The following DCC variants were observed in gnomAD, a reference collection of about 807,000 sequenced individuals.
DCC encodes DCC netrin 1 receptor, also known as netrin receptor DCC.
DCC carries 58 observed loss-of-function variants against 172.5 expected under a neutral mutation model. The observed-to-expected ratio is 0.34, with a 90% CI of 0.27 to 0.42. The LOEUF is 0.42. Ranked by LOEUF, DCC falls within the 10% of genes least tolerant of loss-of-function variation. DCC has a pLI of 1.00. For missense variants in DCC, 1,740 were observed against 1,791.0 expected, an observed-to-expected ratio of 0.97 and a Z score of 0.51; for synonymous variants, 709 against 644.5, an observed-to-expected ratio of 1.10 and a Z score of -1.52.
intron 5 of DCC, among the ~76,000 whole-genome samples, chr18:53,049,498 A>T (rs550037275): frequency 5.1e-4 from 77 of 152,014 alleles, no homozygotes; most frequent in Non-Finnish European, 1.0e-3. Flanking sequence ...GGTGGTAAGT[A>T]TGCAGCATTA....
chr18:53,382,972 T>C (rs951524338), intron 15 of DCC, among the ~76,000 whole-genome samples: 6 of 152,270 alleles, frequency 3.9e-5, no homozygotes, highest in African/African-American at 1.4e-4. Context: ...TTTAAGGCTT[T>C]TTTATTTTGA....
At chr18:53,502,174 A>G (rs944634371) in intron 27 of DCC, among the ~76,000 whole-genome samples, 1 of 152,054 alleles carries the variant, frequency 6.6e-6, no homozygotes, top group African/African-American at 2.4e-5. Context: ...CTATTTTCAG[A>G]TATCTCTGGC....
chr18:52,825,414 A>G (rs906208471), intron 2 of DCC, among the ~76,000 whole-genome samples: 1 of 152,150 alleles, frequency 6.6e-6, no homozygotes, highest in Non-Finnish European at 1.5e-5. Context: ...TTCCTCTTAA[A>G]TTTCTATTTT....
intron 2 of DCC, among the ~76,000 whole-genome samples, chr18:52,898,695 A>C (rs1598909872): frequency 1.7e-5 from 2 of 115,010 alleles, no homozygotes; most frequent in Non-Finnish European, 3.9e-5. Flanking sequence ...GTGATTTTTT[A>C]CCTCATTTTT....
chr18:53,273,848 C>G (rs1277561926), intron 12 of DCC, among the ~76,000 whole-genome samples: 1 of 152,000 alleles, frequency 6.6e-6, no homozygotes, highest in African/African-American at 2.4e-5. Flanking sequence ...GCGCATCACA[C>G]ATGTGACCCT....
At chr18:52,757,524 G>A (rs1044282423) in intron 2 of DCC, among the ~76,000 whole-genome samples, 3 of 151,996 alleles carry the variant, frequency 2.0e-5, no homozygotes, top group Admixed American at 2.0e-4. Context: ...CTTGTCCACT[G>A]ACTTGCCCTG....
At chr18:52,854,164 A>G (rs1039721546) in intron 2 of DCC, among the ~76,000 whole-genome samples, 2 of 152,232 alleles carry the variant, frequency 1.3e-5, no homozygotes, top group African/African-American at 4.8e-5. Flanking sequence ...GACCACTGGA[A>G]AGCACAGTTA....
chr18:52,607,878 A>G (rs192710014), intron 1 of DCC, among the ~76,000 whole-genome samples: 1 of 152,290 alleles, frequency 6.6e-6, no homozygotes, highest in African/African-American at 2.4e-5. Context: ...TCTGAGAGAG[A>G]TAACACTTGA....
chr18:52,427,883 C>CCTTCCTTCCTTCCTTCCTTA (rs1568165795), intron 1 of DCC, among the ~76,000 whole-genome samples: 16 of 140,088 alleles, frequency 1.1e-4, no homozygotes, highest in African/African-American at 4.3e-4. Flanking sequence ...TTCCTTCCTT[C>CCTTCCTTCCTTCCTTCCTTA]CTTCCTTCCT....
At chr18:52,385,056 G>A (rs372734419) in intron 1 of DCC, among the ~76,000 whole-genome samples, 7 of 152,164 alleles carry the variant, frequency 4.6e-5, no homozygotes, top group African/African-American at 1.7e-4. Context: ...TTTTATAGAA[G>A]CTCAGATGCC....
At chr18:53,316,209 G>A (rs1286584098) in intron 13 of DCC, among the ~76,000 whole-genome samples, 1 of 152,148 alleles carries the variant, frequency 6.6e-6, no homozygotes, top group Non-Finnish European at 1.5e-5. Context: ...ATTAAATAGG[G>A]AATCCTTTCC....
intron 15 of DCC, among the ~76,000 whole-genome samples, chr18:53,351,975 A>C: frequency 6.6e-6 from 1 of 152,062 alleles, no homozygotes; most frequent in East Asian, 1.9e-4. Context: ...GTTAAATGTT[A>C]CTTTAACACC....
intron 5 of DCC, among the ~76,000 whole-genome samples, chr18:52,975,500 C>T (rs995100224): frequency 1.3e-5 from 2 of 152,152 alleles, no homozygotes; most frequent in Non-Finnish European, 2.9e-5. Flanking sequence ...TCCTGATCCT[C>T]TCCCTCCTCC....
chr18:53,473,049 TAAG>T (rs2045718016), intron 25 of DCC, among the ~76,000 whole-genome samples: 2 of 152,308 alleles, frequency 1.3e-5, no homozygotes, highest in South Asian at 4.1e-4. Flanking sequence ...TAGCTCAACC[TAAG>T]AAGTTTTATG....
intron 1 of DCC, among the ~76,000 whole-genome samples, chr18:52,589,893 G>A (rs1373719002): frequency 1.3e-5 from 2 of 152,088 alleles, no homozygotes; most frequent in East Asian, 1.9e-4. Flanking sequence ...ATTTGAGAAA[G>A]GCTTATAAGG....
chr18:52,470,132 C>A (rs11082927), intron 1 of DCC, among the ~76,000 whole-genome samples: 3,802 of 152,020 alleles, frequency 0.025, 148 homozygotes, highest in East Asian at 0.1. Context: ...TATAAAATGC[C>A]GGAAATAGAT....
At chr18:52,970,391 C>A (rs191666241) in intron 5 of DCC, among the ~76,000 whole-genome samples, 1 of 151,924 alleles carries the variant, frequency 6.6e-6, no homozygotes, top group African/African-American at 2.4e-5. Context: ...AGTGGAGAAG[C>A]CTATTTTCAG....
At chr18:52,862,307 C>A (rs1018380186) in intron 2 of DCC, among the ~76,000 whole-genome samples, 2 of 151,934 alleles carry the variant, frequency 1.3e-5, no homozygotes, top group Non-Finnish European at 2.9e-5. Flanking sequence ...AGGTTTAAAA[C>A]ACTTCATATC....
chr18:53,471,315 T>C (rs1354245103), intron 25 of DCC, among the ~76,000 whole-genome samples: 1 of 152,212 alleles, frequency 6.6e-6, no homozygotes, highest in Middle Eastern at 3.2e-3. Flanking sequence ...ACAATCCAAT[T>C]ATACTCTTAG....
Sources: gnomAD v4.1 joint callset for allele counts (sites outside exome capture counted in the v4.1 genomes callset) on GRCh38, gnomAD v4.1.1 for gene constraint, MANE v1.5 for transcripts, NCBI Gene and HGNC (gene_info 2026-07-23, HGNC 2026-07-21) for gene names.